Variants in DOCK2 observed in about 807,000 individuals in gnomAD.
DOCK2 encodes dedicator of cytokinesis 2.
DOCK2 carries 87 observed loss-of-function variants against 248.9 expected under a neutral mutation model. That is an observed-to-expected ratio of 0.35 (90% CI 0.29 to 0.42). The LOEUF (loss-of-function observed/expected upper bound fraction) is 0.42, where lower values mean the gene tolerates loss of function less well. DOCK2 is among the 10% of genes least tolerant of loss of function. DOCK2 has a pLI of 1.00. For missense variants in DOCK2, 1,747 were observed against 2,300.2 expected (o/e 0.76, Z 4.92); for synonymous variants, 805 against 821.6 (o/e 0.98, Z 0.35).
At position 170,021,708 on chromosome 5, in the gene DOCK2, A is replaced by G. The variant is rs1380639551; in HGVS notation, c.3381+2600A>G. Among the ~76,000 whole-genome samples the G allele has an allele frequency of 3.3e-5, 5 of 152,290 alleles. No individual in the cohort carries two copies. In the East Asian group the frequency reaches 9.7e-4, roughly 29 times the overall value. ...AAAGACAGGACAATCAGGCTGACTA[A>G]TGAGGCAGATGCCCATGTGAAAACC... is the stretch of plus-strand genomic sequence containing the variant. On this transcript the variant is annotated intron_variant, in intron 33 of 51. Coordinates refer to ENST00000520908, the MANE Select transcript of DOCK2 (RefSeq NM_004946.3).
chr5:169,701,681 A>AT (rs1561615029), intron 13 of DOCK2, among the ~76,000 whole-genome samples: 1 of 151,770 alleles, frequency 6.6e-6, no homozygotes, highest in African/African-American at 2.4e-5. Context: ...CACTCGGCTA[A>AT]TTTTTTTGTA....
intron 27 of DOCK2, among the ~76,000 whole-genome samples, chr5:169,972,318 C>A (rs749818578): frequency 6.6e-6 from 1 of 152,082 alleles, no homozygotes. Flanking sequence ...GTATCTTCCC[C>A]TTTATGGATC....
At chr5:169,881,170 A>T (rs867161545) in intron 27 of DOCK2, among the ~76,000 whole-genome samples, 2 of 152,240 alleles carry the variant, frequency 1.3e-5, no homozygotes, top group South Asian at 4.1e-4. Context: ...AGGGATGATT[A>T]CATCAAAAGG....
intron 27 of DOCK2, among the ~76,000 whole-genome samples, chr5:169,853,909 C>T (rs1383720575): frequency 7.5e-6 from 1 of 134,194 alleles, no homozygotes; most frequent in East Asian, 2.1e-4. Flanking sequence ...AATCTCGGCT[C>T]ACTGCAAGCT....
chr5:169,650,884 C>T (rs761893165), intron 1 of DOCK2, among the ~76,000 whole-genome samples: 13 of 152,232 alleles, frequency 8.5e-5, no homozygotes, highest in South Asian at 2.1e-4. Context: ...CGACCTGGCA[C>T]GATGGGGAAG....
Position 170,079,123 on chromosome 5 carries a change from G to A in DOCK2, c.5143G>A (p.Ala1715Thr). ...CGTAGTTTTTGCGGATGAGAAAGCA[G>A]CTGCAGAGTCGGACCTGAAGCGGGT... ...SSVVFADEKA[A>T]AESDLKRLSR... The change falls in exon 49 of 52, where the codon GCT becomes ACT. Residue 1715 changes from alanine to threonine, a missense_variant. Coordinates refer to ENST00000520908, the MANE Select transcript of DOCK2 (RefSeq NM_004946.3). The A allele has an allele frequency of 6.2e-7, 1 of 1,613,874 alleles. No individual in the cohort carries two copies. Among genetic ancestry groups the A allele is most frequent in the Non-Finnish European group, 8.5e-7 (1 of 1,180,024 alleles).
intron 32 of DOCK2, among the ~76,000 whole-genome samples, chr5:170,011,061 T>C (rs1171065823): frequency 1.3e-5 from 2 of 152,218 alleles, no homozygotes; most frequent in East Asian, 1.9e-4. Flanking sequence ...GATCATATTG[T>C]CCAGCATTTT....
chr5:169,747,323 T>C, intron 22 of DOCK2, 73 bp from the exon 23 acceptor site: 3 of 1,361,788 alleles, frequency 2.2e-6, no homozygotes, highest in South Asian at 2.7e-5. Context: ...TTAAATGAAG[T>C]TTGTGCCTAG....
At chr5:169,784,733 A>G (rs890368764) in intron 25 of DOCK2, among the ~76,000 whole-genome samples, 1 of 152,150 alleles carries the variant, frequency 6.6e-6, no homozygotes, top group African/African-American at 2.4e-5. Context: ...GTTTATTTTT[A>G]TTGTATTGAT....
chr5:169,681,951 C>A, intron 7 of DOCK2, 72 bp downstream of exon 7: 1 of 1,574,800 alleles, frequency 6.4e-7, no homozygotes, highest in South Asian at 1.2e-5. Flanking sequence ...AAATAATGGG[C>A]TAATGAACCA....
chr5:169,805,862 G>A (rs191071837), intron 26 of DOCK2, among the ~76,000 whole-genome samples: 11 of 152,306 alleles, frequency 7.2e-5, no homozygotes, highest in Admixed American at 2.0e-4. Flanking sequence ...ACTCTTTACC[G>A]CCTCTGAGTG....
intron 27 of DOCK2, among the ~76,000 whole-genome samples, chr5:169,872,297 G>T (rs1772028848): frequency 6.6e-6 from 1 of 152,190 alleles, no homozygotes; most frequent in African/African-American, 2.4e-5. Context: ...CGTCCATTTG[G>T]ATAAATCATG....
intron 27 of DOCK2, among the ~76,000 whole-genome samples, chr5:169,933,580 A>G (rs1263439899): frequency 2.0e-5 from 3 of 152,164 alleles, no homozygotes; most frequent in Non-Finnish European, 4.4e-5. Context: ...TTCAGAAACA[A>G]TGAATCTTTA....
chr5:170,010,363 A>G (rs1179604097), intron 32 of DOCK2, among the ~76,000 whole-genome samples: 2 of 152,158 alleles, frequency 1.3e-5, no homozygotes, highest in Non-Finnish European at 2.9e-5. Flanking sequence ...GAAATAATTG[A>G]CGTTTCATTT....
intron 26 of DOCK2, among the ~76,000 whole-genome samples, chr5:169,823,662 T>C (rs1351280402): frequency 1.3e-5 from 2 of 152,152 alleles, no homozygotes; most frequent in African/African-American, 2.4e-5. Context: ...ACAGCCAATA[T>C]CATACTGAAT....
chr5:169,966,157 T>C (rs1425276598), intron 27 of DOCK2, among the ~76,000 whole-genome samples: 1 of 152,246 alleles, frequency 6.6e-6, no homozygotes, highest in Non-Finnish European at 1.5e-5. Flanking sequence ...AATCCCATTA[T>C]GGTAGGAGCA....
chr5:170,039,411 T>C (rs1329491072), intron 36 of DOCK2, among the ~76,000 whole-genome samples: 2 of 152,192 alleles, frequency 1.3e-5, no homozygotes, highest in Non-Finnish European at 2.9e-5. Context: ...GCCTGTCTCT[T>C]CTCCTAGACT....
intron 25 of DOCK2, among the ~76,000 whole-genome samples, chr5:169,794,892 C>T (rs891024577): frequency 1.3e-5 from 2 of 152,180 alleles, no homozygotes; most frequent in East Asian, 1.9e-4. Context: ...CACTGCACTC[C>T]AGCCTGGGTG....
chr5:170,052,222 G>T (rs1026182463), intron 41 of DOCK2, among the ~76,000 whole-genome samples: 1 of 152,120 alleles, frequency 6.6e-6, no homozygotes, highest in Admixed American at 6.5e-5. Flanking sequence ...CATTATGCTT[G>T]CCTGCCCTGC....
Sources: gnomAD v4.1 joint callset for allele counts (sites outside exome capture counted in the v4.1 genomes callset) on GRCh38, gnomAD v4.1.1 for gene constraint, MANE v1.5 for transcripts, NCBI Gene and HGNC (gene_info 2026-07-23, HGNC 2026-07-21) for gene names.